Variants in ABR observed in about 807,000 individuals in gnomAD.
ABR encodes active breakpoint cluster region-related protein.
ABR carries 35 observed loss-of-function variants against 107.2 expected under a neutral mutation model. The ratio of observed to expected loss-of-function variants is 0.33; its 90% CI spans 0.25 to 0.43. The LOEUF (loss-of-function observed/expected upper bound fraction) is 0.43, where lower values mean the gene tolerates loss of function less well. ABR is among the 20% of genes least tolerant of loss of function. The pLI is 1.00. For synonymous variants in ABR, 498 were observed against 462.0 expected, an observed-to-expected ratio of 1.08 and a Z score of -1.00; for missense variants, 815 against 1,115.2, an observed-to-expected ratio of 0.73 and a Z score of 3.83.
chr17:1,065,742 CT>C (rs56388222), intron 10 of ABR, among the ~76,000 whole-genome samples: 140 of 116,330 alleles, frequency 1.2e-3, no homozygotes, highest in African/African-American at 3.4e-3. Flanking sequence ...CAAACCAATG[CT>C]TTTTTTTTTT....
rs774739681 is a variant in ABR at position 1,011,889 on chromosome 17, G to T, written c.2058C>A (p.Gly686=). 1.9e-6 allele frequency: 3 copies of T among 1,602,534 alleles called. No individual in the cohort carries two copies. The highest frequency in any genetic ancestry group is 2.6e-6 in the Non-Finnish European group (3 of 1,171,576). The change falls in exon 19 of 23, where the codon GGC becomes GGA. Residue 686 remains glycine (G), a synonymous_variant. Coordinates refer to ENST00000302538, the MANE Select transcript of ABR (RefSeq NM_021962.5). The surrounding 1 kb of genome is among the most constrained non-coding windows in gnomAD (Gnocchi z 4.8). The stretch of plus-strand genomic sequence containing the variant: ...TGAGCGCCTGGATGTCCGTGGCCAC[G>T]CCCGATATCCTGTAGATGCCAACCT... The part of the protein sequence containing the change: ...IEEVGIYRIS[G]VATDIQALKA...
intron 1 of ABR, among the ~76,000 whole-genome samples, chr17:1,149,295 C>T (rs528076119): frequency 1.3e-5 from 2 of 152,194 alleles, no homozygotes; most frequent in South Asian, 2.1e-4. Context: ...AGAGACCCCC[C>T]CATGGGTATC....
chr17:1,222,361 G>C (rs976726234), intron 1 of ABR, among the ~76,000 whole-genome samples: 1 of 152,078 alleles, frequency 6.6e-6, no homozygotes, highest in Non-Finnish European at 1.5e-5. Context: ...GAGCCACCGC[G>C]CCCGGCCTCA....
chr17:1,091,077 G>A (rs901181715), intron 4 of ABR, among the ~76,000 whole-genome samples: 1 of 152,174 alleles, frequency 6.6e-6, no homozygotes, highest in Non-Finnish European at 1.5e-5. Context: ...GGTGAGCAGG[G>A]CTGGGCTTCA....
chr17:1,202,971 C>T (rs527270497), intron 1 of ABR, among the ~76,000 whole-genome samples: 13 of 151,146 alleles, frequency 8.6e-5, no homozygotes, highest in Non-Finnish European at 1.8e-4. Context: ...ACTACAACCT[C>T]CGCCTCCCGA....
At chr17:1,082,068 A>G (rs1002713379) in intron 5 of ABR, among the ~76,000 whole-genome samples, 1 of 151,942 alleles carries the variant, frequency 6.6e-6, no homozygotes, top group Non-Finnish European at 1.5e-5. Flanking sequence ...CTGAAGTTTC[A>G]GGAAAACTAC....
intron 2 of ABR, among the ~76,000 whole-genome samples, chr17:1,118,284 C>A (rs2039143756): frequency 1.2e-5 from 1 of 83,780 alleles, no homozygotes; most frequent in Non-Finnish European, 2.5e-5. Flanking sequence ...GAGTCCTCCC[C>A]AGCGTTATCC....
In ABR at chr17:1,058,300, C is replaced by T. The variant is rs557991635; in HGVS notation, c.1306-255G>A. ...GATTACAGGTGCCCACCACCACGCC[C>T]GGCTAATTTTTGTGTTTTTAGTAGA... On this transcript the variant is annotated intron_variant, in intron 11 of 22. Coordinates refer to ENST00000302538, the MANE Select transcript of ABR (RefSeq NM_021962.5). Among the ~76,000 whole-genome samples, 5 of 152,164 alleles carry T rather than the reference C, an allele frequency of 3.3e-5. No homozygotes were observed. In the East Asian group the frequency reaches 5.8e-4, roughly 18 times the overall value.
Position 1,100,471 on chromosome 17 carries a change from G to A in ABR, c.345+166C>T, listed in dbSNP as rs2277687. 4.1e-3 allele frequency among the ~76,000 whole-genome samples: 625 copies of A among 152,344 alleles called. 9 individuals are homozygous for A. Among genetic ancestry groups the A allele is most frequent in the East Asian group, 0.032 (167 of 5,174 alleles). ...CACAGGCCCTTTCTGGCAATGACCCGGGCTGCCCGATGCCCAGCCAGAAGC... is the reference window on the plus strand; with the variant it reads ...CACAGGCCCTTTCTGGCAATGACCCAGGCTGCCCGATGCCCAGCCAGAAGC... On this transcript the variant is annotated intron_variant, in intron 3 of 22. Coordinates refer to ENST00000302538, the MANE Select transcript of ABR (RefSeq NM_021962.5).
At chr17:1,116,428 G>A (rs2038989031) in intron 2 of ABR, among the ~76,000 whole-genome samples, 1 of 152,156 alleles carries the variant, frequency 6.6e-6, no homozygotes, top group African/African-American at 2.4e-5. Context: ...TCTATAGAAT[G>A]GGGGTAATTA....
intron 16 of ABR, among the ~76,000 whole-genome samples, chr17:1,048,014 C>A (rs1019927672): frequency 6.6e-6 from 1 of 152,218 alleles, no homozygotes; most frequent in African/African-American, 2.4e-5. Context: ...GGCGACCACT[C>A]GTCTCTTGCC....
intron 1 of ABR, among the ~76,000 whole-genome samples, chr17:1,216,072 G>C (rs1385852300): frequency 1.3e-5 from 2 of 151,012 alleles, no homozygotes; most frequent in African/African-American, 2.4e-5. Flanking sequence ...AGGAAAACCA[G>C]AGACCTTTGT....
chr17:1,217,077 C>G (rs1416635112), intron 1 of ABR, among the ~76,000 whole-genome samples: 1 of 152,192 alleles, frequency 6.6e-6, no homozygotes, highest in Non-Finnish European at 1.5e-5. Context: ...GCGGCTTTCC[C>G]TGCTGTCAGC....
upstream of ABR, among the ~76,000 whole-genome samples, chr17:1,187,579 CA>C (rs2042335021): frequency 6.6e-6 from 1 of 152,210 alleles, no homozygotes; most frequent in South Asian, 2.1e-4. Flanking sequence ...TCCCGCCGGA[CA>C]AAACCTTCAC....
At chr17:1,096,221 G>A (rs967134889) in intron 3 of ABR, among the ~76,000 whole-genome samples, 3 of 152,188 alleles carry the variant, frequency 2.0e-5, no homozygotes, top group African/African-American at 7.2e-5. Context: ...CAGGACGGAG[G>A]CTTCTGTGTG....
intron 1 of ABR, among the ~76,000 whole-genome samples, chr17:1,136,861 C>G (rs184767117): frequency 1.3e-5 from 2 of 152,316 alleles, no homozygotes; most frequent in Non-Finnish European, 2.9e-5. Context: ...TTTCCCTTAT[C>G]ATTCTTGTGT....
chr17:1,068,281 T>A (rs1257881943), intron 9 of ABR, among the ~76,000 whole-genome samples: 2 of 152,242 alleles, frequency 1.3e-5, no homozygotes, highest in Non-Finnish European at 2.9e-5. Flanking sequence ...CCCCTAGGAC[T>A]TAGATTTGCA....
rs553282404 is a variant in ABR, at chr17:1,193,270, C to A, written c.838+35523G>T. ...TATAGAGAAGCCTTTCTGGGACACC[C>A]CCTCCCCCTCAATACCCACAAGGAT... is the stretch of plus-strand genomic sequence containing the variant. On this transcript the variant is annotated intron_variant, in intron 1 of 22. Transcript: ENST00000574139. 6.3e-4 allele frequency among the ~76,000 whole-genome samples: 93 copies of A among 148,504 alleles called. 1 individual carries two copies. The highest frequency in any genetic ancestry group is 1.1e-3 in the Admixed American group (16 of 14,994).
At position 1,170,007 on chromosome 17, in the gene ABR, TG is replaced by T. The variant is rs376997040; in HGVS notation, c.61+9659del. Reference sequence around the variant, plus strand: ...GTGTTTGTGTTTGTGTGTGTGTGTGTGGGGGGGGGGTGTGTTTGTGTATGTT... The same window carrying T: ...GTGTTTGTGTTTGTGTGTGTGTGTGTGGGGGGGGGTGTGTTTGTGTATGTT... On this transcript the variant is annotated intron_variant, in intron 1 of 22. Coordinates refer to ENST00000302538, the MANE Select transcript of ABR (RefSeq NM_021962.5). Among the ~76,000 whole-genome samples the T allele has an allele frequency of 9.0e-4, 110 of 121,810 alleles. 1 individual carries two copies. Among genetic ancestry groups the T allele is most frequent in the East Asian group, 8.1e-3 (25 of 3,080 alleles). 79.9% of individuals were successfully genotyped at this position (121,810 alleles called of 152,430 possible).
Sources: allele counts gnomAD v4.1 joint callset (sites outside exome capture counted in the v4.1 genomes callset), GRCh38; gene constraint gnomAD v4.1.1; non-coding constraint Gnocchi (gnomAD v3.1); transcripts MANE v1.5; gene names NCBI Gene and HGNC (gene_info 2026-07-23, HGNC 2026-07-21).